ZRANB1: variants seen among roughly 807,000 people sequenced by gnomAD.
ZRANB1 encodes the protein ubiquitin thioesterase ZRANB1.
Under a neutral mutation model 80.5 loss-of-function variants are expected in ZRANB1, and 16 were observed. The ratio of observed to expected loss-of-function variants is 0.20; its 90% CI spans 0.13 to 0.30. The LOEUF (loss-of-function observed/expected upper bound fraction) is 0.30, where lower values mean the gene tolerates loss of function less well. Among genes scored for constraint, ZRANB1 ranks in the 10% least tolerant of loss-of-function variants. The pLI is 1.00. For missense variants in ZRANB1, 576 were observed against 862.6 expected, an observed-to-expected ratio of 0.67 and a Z score of 4.16; for synonymous variants, 291 against 293.1, an observed-to-expected ratio of 0.99 and a Z score of 0.07.
rs547237673 is a variant in ZRANB1 at position 124,977,408 on chromosome 10, C to T, written c.1427+3010C>T. ...AGTGAGTTGTCACTAATGTTTGTAT[C>T]GGGACTGGAATTCTCAGATGGTTGC... On this transcript the variant is annotated intron_variant, in intron 5 of 8. Coordinates refer to ENST00000359653, the MANE Select transcript of ZRANB1 (RefSeq NM_017580.3). Among the ~76,000 whole-genome samples, 543 of 150,856 alleles carry T rather than the reference C, an allele frequency of 3.6e-3. 2 individuals carry two copies. The highest frequency in any genetic ancestry group is 5.8e-3 in the Non-Finnish European group (391 of 67,900).
In ZRANB1 at chr10:124,981,694, A is replaced by G. The variant is rs201537640; in HGVS notation, c.1428-15A>G. On this transcript the variant is annotated splice_polypyrimidine_tract_variant and intron_variant, in intron 5 of 8. Transcript: ENST00000359653. ...AAGACTATTTATTTATTTTTTTACTATCCTGCTTTTTTAGGTTTTACACAC... is the reference window on the plus strand; with the variant it reads ...AAGACTATTTATTTATTTTTTTACTGTCCTGCTTTTTTAGGTTTTACACAC... The G allele has an allele frequency of 1.3e-6, 2 of 1,589,846 alleles. No individual in the cohort carries two copies. The highest frequency in any genetic ancestry group is 1.9e-5 in the Admixed American group (1 of 52,942).
intron 5 of ZRANB1, among the ~76,000 whole-genome samples, chr10:124,980,820 G>A (rs1258972180): frequency 6.6e-5 from 10 of 152,066 alleles, no homozygotes; most frequent in Non-Finnish European, 1.0e-4. Flanking sequence ...ATGTTGGCCA[G>A]GTTGTTTTGA....
chr10:124,939,179 C>T (rs1215694829), upstream of ZRANB1, among the ~76,000 whole-genome samples: 2 of 149,928 alleles, frequency 1.3e-5, no homozygotes, highest in Non-Finnish European at 3.0e-5. Context: ...GTCTCAACAA[C>T]AACAAAAATC....
the ZRANB1 span, among the ~76,000 whole-genome samples, chr10:124,917,996 G>T: frequency 1.3e-5 from 2 of 152,170 alleles, no homozygotes; most frequent in Admixed American, 1.3e-4. Flanking sequence ...CATTATCTTT[G>T]AGATACACTG....
the ZRANB1 span, among the ~76,000 whole-genome samples, chr10:124,921,374 C>T: frequency 3.9e-5 from 6 of 152,270 alleles, no homozygotes; most frequent in African/African-American, 1.4e-4. Context: ...TACCTGTCAA[C>T]CGTCTTGAAT....
At chr10:124,975,241 A>G (rs1951866203) in intron 5 of ZRANB1, among the ~76,000 whole-genome samples, 1 of 152,220 alleles carries the variant, frequency 6.6e-6, no homozygotes, top group Non-Finnish European at 1.5e-5. Flanking sequence ...ATTCAGTGCA[A>G]TAGATCCTGG....
chr10:124,941,131 G>T (rs1242652944), upstream of ZRANB1, among the ~76,000 whole-genome samples: 1 of 151,864 alleles, frequency 6.6e-6, no homozygotes, highest in African/African-American at 2.4e-5. Context: ...TGAAAAATAG[G>T]TGTTGGGATG....
At chr10:124,941,607 C>T (rs1267565674), upstream of ZRANB1, among the ~76,000 whole-genome samples, 1 of 152,144 alleles carries the variant, frequency 6.6e-6, no homozygotes, top group African/African-American at 2.4e-5. Context: ...GCCTCAGCCT[C>T]CCAAAATGCT....
the ZRANB1 span, among the ~76,000 whole-genome samples, chr10:124,933,694 A>G: frequency 1.6e-3 from 249 of 152,296 alleles, 1 homozygote; most frequent in African/African-American, 5.8e-3. Context: ...AGGTTGTTAC[A>G]TTAGTTTTGT....
the ZRANB1 span, among the ~76,000 whole-genome samples, chr10:124,922,336 A>ATTT: frequency 5.6e-4 from 25 of 44,762 alleles, no homozygotes; most frequent in African/African-American, 1.3e-3. Context: ...GTATATATAT[A>ATTT]TTTTTTTTTT....
Position 124,966,657 on chromosome 10 carries a change from G to A in ZRANB1, c.878G>A (p.Arg293His). 5 of 1,614,134 alleles carry A rather than the reference G, an allele frequency of 3.1e-6. No individual in the cohort carries two copies. The highest frequency in any genetic ancestry group is 2.2e-5 in the East Asian group (1 of 44,874). The change falls in exon 2 of 9, where the codon CGT becomes CAT. Residue 293 changes from arginine to histidine, a missense_variant. Arg to His is a conservative substitution (Grantham distance 29, BLOSUM62 0). Transcript: ENST00000359653. ...AYKSSGGDIA[R>H]QLTADEVRLL... ...AAGTCATCAGGAGGAGACATTGCAC[G>A]TCAGCTCACCGCAGATGAAGTACGC...
At chr10:124,917,616 G>C in the ZRANB1 span, among the ~76,000 whole-genome samples, 4 of 152,210 alleles carry the variant, frequency 2.6e-5, no homozygotes, top group Non-Finnish European at 5.9e-5. Context: ...CGGCGAGTGG[G>C]GTTTCGCTCC....
chr10:124,963,554 GTTTTTTTTTTT>G (rs760813299), intron 1 of ZRANB1, among the ~76,000 whole-genome samples: 3 of 57,510 alleles, frequency 5.2e-5, no homozygotes, highest in African/African-American at 1.9e-4. Flanking sequence ...TTTTTTGTTT[GTTTTTTTTTTT>G]TTTTTTTTTT....
In ZRANB1 at chr10:124,952,930, T is replaced by A. The variant is rs574715871; in HGVS notation, c.814+9623T>A. On this transcript the variant is annotated intron_variant, in intron 1 of 8. Coordinates refer to ENST00000359653, the MANE Select transcript of ZRANB1 (RefSeq NM_017580.3). ...CAGCCCTAAACAAATAGTATTTTTT[T>A]AAATTTTATTTTGAGATGGAGTCTT... Among the ~76,000 whole-genome samples the A allele has an allele frequency of 1.1e-4, 16 of 149,806 alleles. No homozygotes were observed. The East Asian group carries it at 1.2e-3, about 11-fold the overall frequency.
chr10:124,958,617 A>G (rs1352132892), intron 1 of ZRANB1, among the ~76,000 whole-genome samples: 1 of 152,158 alleles, frequency 6.6e-6, no homozygotes, highest in Non-Finnish European at 1.5e-5. Flanking sequence ...TATATTTTGA[A>G]TCAACATGTT....
the ZRANB1 span, among the ~76,000 whole-genome samples, chr10:124,932,216 G>T: frequency 8.1e-4 from 123 of 151,892 alleles, no homozygotes; most frequent in African/African-American, 2.8e-3. Flanking sequence ...CCCACTGAAG[G>T]ACATCTTGGT....
upstream of ZRANB1, among the ~76,000 whole-genome samples, chr10:124,941,446 C>T (rs12220260): frequency 0.59 from 89,888 of 151,836 alleles, 30,256 homozygotes; most frequent in Non-Finnish European, 0.75. Context: ...CTCTGCCTGC[C>T]GGGTTCAAGC....
At chr10:124,931,773 G>A in the ZRANB1 span, among the ~76,000 whole-genome samples, 1 of 152,162 alleles carries the variant, frequency 6.6e-6, no homozygotes, top group Non-Finnish European at 1.5e-5. Context: ...TTCCCCCACT[G>A]TCTACATCCT....
At chr10:124,940,424 C>T (rs1951524687), upstream of ZRANB1, 2 of 1,067,278 alleles carry the variant, frequency 1.9e-6, no homozygotes, top group Non-Finnish European at 2.5e-6. Context: ...GCAGTATCTC[C>T]TGAGGAAGTC....
Sources: allele counts gnomAD v4.1 joint callset (sites outside exome capture counted in the v4.1 genomes callset), GRCh38; gene constraint gnomAD v4.1.1; transcripts MANE v1.5; gene names NCBI Gene and HGNC (gene_info 2026-07-23, HGNC 2026-07-21).